The following FOXP1 variants were observed in gnomAD, a reference collection of about 807,000 sequenced individuals.
FOXP1 encodes forkhead box P1.
A neutral mutation model predicts 98.2 loss-of-function variants in FOXP1; 15 were observed. The observed-to-expected ratio is 0.15, with a 90% CI of 0.10 to 0.24. FOXP1 has a LOEUF of 0.24. Ranked by LOEUF, FOXP1 falls within the 10% of genes least tolerant of loss-of-function variation. The pLI, the probability that FOXP1 is intolerant of heterozygous loss-of-function variation, is 1.00. For missense variants in FOXP1, 633 were observed against 848.5 expected, an observed-to-expected ratio of 0.75 and a Z score of 3.15; for synonymous variants, 371 against 314.5, an observed-to-expected ratio of 1.18 and a Z score of -1.90.
rs2081569370 is a variant in FOXP1, at chr3:71,397,088, A to ATATATATATATATATATATATATGTG, written c.-167-37845_-167-37844insCACATATATATATATATATATATATA. Among the ~76,000 whole-genome samples, 3 of 6,498 alleles carry ATATATATATATATATATATATATGTG rather than the reference A, an allele frequency of 4.6e-4. 1 individual carries two copies. In the Admixed American group the frequency reaches 6.3e-3, roughly 14 times the overall value. The allele number at this position is 6,498 out of a possible 152,430, so 4.3% of individuals were successfully genotyped here. A position where few individuals can be genotyped will look rare whatever the true frequency, so the allele number is the denominator to read the frequency against. On this transcript the variant is annotated intron_variant, in intron 3 of 20. Coordinates refer to ENST00000649528, the MANE Select transcript of FOXP1 (RefSeq NM_001349338.3). ...TATATATATATACATATATATGTGTATATATATATATACATATATATATAT... is the reference window on the plus strand; with the variant it reads ...TATATATATATACATATATATGTGTATATATATATATATATATATATATGTGTATATATATATACATATATATATAT...
chr3:71,567,193 T>C (rs949583825), intron 2 of FOXP1, among the ~76,000 whole-genome samples: 1 of 152,170 alleles, frequency 6.6e-6, no homozygotes, highest in Admixed American at 6.5e-5. Flanking sequence ...GGTCAATACA[T>C]TGTTTCCATA....
chr3:71,531,815 A>G (rs867134516), intron 2 of FOXP1, among the ~76,000 whole-genome samples: 10 of 152,218 alleles, frequency 6.6e-5, no homozygotes, highest in Non-Finnish European at 7.3e-5. Context: ...TCCTTCAACT[A>G]CAGCGTTCTA....
chr3:71,506,206 T>C (rs905728081), intron 2 of FOXP1, among the ~76,000 whole-genome samples: 1 of 152,052 alleles, frequency 6.6e-6, no homozygotes, highest in South Asian at 2.1e-4. Context: ...GTGTTGGGAG[T>C]TGGCTGCCTG....
intron 7 of FOXP1, among the ~76,000 whole-genome samples, chr3:71,104,107 C>T (rs372444151): frequency 1.2e-4 from 18 of 152,228 alleles, no homozygotes; most frequent in Admixed American, 3.3e-4. Context: ...ATGTAGTGGT[C>T]TCTATTGGCG....
intron 6 of FOXP1, among the ~76,000 whole-genome samples, chr3:71,143,813 A>G (rs2060180806): frequency 6.6e-6 from 1 of 152,230 alleles, no homozygotes; most frequent in African/African-American, 2.4e-5. Flanking sequence ...TACGACGATT[A>G]CTTTTACCAC....
At chr3:71,199,999 C>T (rs939893333) in intron 5 of FOXP1, among the ~76,000 whole-genome samples, 7 of 137,332 alleles carry the variant, frequency 5.1e-5, no homozygotes, top group African/African-American at 1.4e-4. Context: ...TTGCTTGAAC[C>T]GGGACCTGGG....
At chr3:71,148,795 T>C (rs2060439513) in intron 6 of FOXP1, among the ~76,000 whole-genome samples, 1 of 152,190 alleles carries the variant, frequency 6.6e-6, no homozygotes, top group Non-Finnish European at 1.5e-5. Flanking sequence ...GTCACCAAAC[T>C]AGAGCAAATG....
chr3:71,507,877 C>T (rs1438226605), intron 2 of FOXP1, among the ~76,000 whole-genome samples: 1 of 152,100 alleles, frequency 6.6e-6, no homozygotes, highest in South Asian at 2.1e-4. Context: ...ATACCCAGCC[C>T]AAAACTGCTA....
At chr3:71,508,957 G>A (rs752416017) in intron 2 of FOXP1, among the ~76,000 whole-genome samples, 2 of 152,202 alleles carry the variant, frequency 1.3e-5, no homozygotes, top group African/African-American at 4.8e-5. Flanking sequence ...GAAAATGTAT[G>A]TGAGACACTG....
At chr3:71,086,457 AC>A (rs1186075927) in intron 7 of FOXP1, among the ~76,000 whole-genome samples, 4 of 152,236 alleles carry the variant, frequency 2.6e-5, no homozygotes, top group African/African-American at 9.6e-5. Flanking sequence ...TATGCAATGT[AC>A]CGGGGGGAAA....
chr3:71,102,003 T>C (rs2057006549), intron 7 of FOXP1, among the ~76,000 whole-genome samples: 1 of 152,166 alleles, frequency 6.6e-6, no homozygotes, highest in South Asian at 2.1e-4. Context: ...GGAGAGAACT[T>C]ATGAATAGAA....
rs1416569491 is a variant in FOXP1 at position 71,151,459 on chromosome 3, T to G, written c.181-38822A>C. ...TCTGAATGCTGCTCATCTGCCTGCC[T>G]GCCCAAAGACCACTAAATGTGTCCC... On this transcript the variant is annotated intron_variant, in intron 6 of 20. Coordinates refer to ENST00000649528, the MANE Select transcript of FOXP1 (RefSeq NM_001349338.3). Among the ~76,000 whole-genome samples the G allele has an allele frequency of 6.6e-5, 10 of 152,278 alleles. No homozygotes were observed. The East Asian group carries it at 1.2e-3, about 18-fold the overall frequency.
At chr3:71,157,307 T>C (rs919161287) in intron 6 of FOXP1, among the ~76,000 whole-genome samples, 1 of 152,192 alleles carries the variant, frequency 6.6e-6, no homozygotes, top group Non-Finnish European at 1.5e-5. Context: ...TTCTCAATCT[T>C]GAATGCCTCC....
chr3:71,027,957 GACAGTGAT>G (rs2046349472), intron 11 of FOXP1, among the ~76,000 whole-genome samples: 1 of 152,152 alleles, frequency 6.6e-6, no homozygotes, highest in Non-Finnish European at 1.5e-5. Flanking sequence ...TAGTTGGGGA[GACAGTGAT>G]AACTGAACAG....
In FOXP1 at chr3:71,444,960, T is replaced by C. The variant is rs143125403; in HGVS notation, c.-168+48466A>G. On this transcript the variant is annotated intron_variant, in intron 3 of 20. Coordinates refer to ENST00000649528, the MANE Select transcript of FOXP1 (RefSeq NM_001349338.3). Reference sequence around the variant, plus strand: ...TGACCTCAATTTTCTGGAAAACGAATGTGAAGGATATCCTTTTCAAAGTGC... The same window carrying C: ...TGACCTCAATTTTCTGGAAAACGAACGTGAAGGATATCCTTTTCAAAGTGC... Among the ~76,000 whole-genome samples the C allele has an allele frequency of 8.6e-3, 1,312 of 152,202 alleles. 20 individuals carry two copies. The highest frequency in any genetic ancestry group is 0.03 in the African/African-American group (1,240 of 41,512).
rs553173888 is a variant in FOXP1 at position 70,997,706 on chromosome 3, G to A, written c.1062+3266C>T. On this transcript the variant is annotated intron_variant, in intron 13 of 20. Coordinates refer to ENST00000649528, the MANE Select transcript of FOXP1 (RefSeq NM_001349338.3). ...AGCACTGCCCAATGAATGGACAGTCGCACTAGCAAATTATTTTGTAGTCTA... is the reference window on the plus strand; with the variant it reads ...AGCACTGCCCAATGAATGGACAGTCACACTAGCAAATTATTTTGTAGTCTA... Among the ~76,000 whole-genome samples, 10 of 152,288 alleles carry A rather than the reference G, an allele frequency of 6.6e-5. No individual in the cohort carries two copies. In the East Asian group the frequency reaches 9.6e-4, roughly 15 times the overall value.
At chr3:71,445,383 G>A (rs2086321696) in intron 3 of FOXP1, among the ~76,000 whole-genome samples, 1 of 152,178 alleles carries the variant, frequency 6.6e-6, no homozygotes, top group Non-Finnish European at 1.5e-5. Context: ...GAATGGGGCT[G>A]ATGCTGAAGT....
In FOXP1 at chr3:71,347,904, T is replaced by C. The variant is rs187630781; in HGVS notation, c.-73+11246A>G. On this transcript the variant is annotated intron_variant, in intron 4 of 20. Coordinates refer to ENST00000649528, the MANE Select transcript of FOXP1 (RefSeq NM_001349338.3). ...TGTCTCACAAAAAAAAAAAACAGAG[T>C]TGTCCCTCATTATACACAGGGATAC... 4.7e-5 allele frequency among the ~76,000 whole-genome samples: 7 copies of C among 149,336 alleles called. No homozygotes were observed. The East Asian group carries it at 1.2e-3, about 25-fold the overall frequency.
rs367710065 is a variant in FOXP1 at position 71,018,300 on chromosome 3, C to A, written c.870-2647G>T. Among the ~76,000 whole-genome samples, 4 of 152,258 alleles carry A rather than the reference C, an allele frequency of 2.6e-5. No individual in the cohort carries two copies. The South Asian group carries it at 6.2e-4, about 24-fold the overall frequency. On this transcript the variant is annotated intron_variant, in intron 11 of 20. Transcript: ENST00000649528. ...ATAACGACACACTAGGGCCTTAGAACGCAATCAGTTATACCTGAAGTCTAA... is the reference window on the plus strand; with the variant it reads ...ATAACGACACACTAGGGCCTTAGAAAGCAATCAGTTATACCTGAAGTCTAA...
Sources: allele counts gnomAD v4.1 joint callset (sites outside exome capture counted in the v4.1 genomes callset), GRCh38; gene constraint gnomAD v4.1.1; transcripts MANE v1.5; gene names NCBI Gene and HGNC (gene_info 2026-07-23, HGNC 2026-07-21).